Variants in MXRA5 observed in about 807,000 individuals in gnomAD.
MXRA5 encodes matrix remodeling associated 5.
In MXRA5, 41 loss-of-function variants were observed where a neutral mutation model predicts 112.5. The ratio of observed to expected loss-of-function variants is 0.36; its 90% CI spans 0.28 to 0.47. The LOEUF (loss-of-function observed/expected upper bound fraction) is 0.47, where lower values mean the gene tolerates loss of function less well. Among genes scored for constraint, MXRA5 ranks in the 20% least tolerant of loss-of-function variants. The probability of loss-of-function intolerance (pLI) is 0.99; values close to 1 mark genes in which losing one functional copy is unlikely to be tolerated. For synonymous variants in MXRA5, 862 were observed against 900.8 expected, an observed-to-expected ratio of 0.96 and a Z score of 0.77; for missense variants, 2,150 against 2,251.0, an observed-to-expected ratio of 0.96 and a Z score of 0.91.
intron 4 of MXRA5, among the ~76,000 whole-genome samples, chrX:3,325,894 T>C (rs1277818270): frequency 2.2e-5 from 2 of 90,283 alleles, no homozygotes; most frequent in African/African-American, 8.0e-5. Context: ...AATTATAATT[T>C]ATAATGTATA....
intron 6 of MXRA5, among the ~76,000 whole-genome samples, chrX:3,312,320 G>A (rs773000071): frequency 2.7e-5 from 3 of 111,825 alleles, no homozygotes; most frequent in East Asian, 2.8e-4. Context: ...AAGCACTGCC[G>A]AGTTAATAAT....
intron 2 of MXRA5, among the ~76,000 whole-genome samples, chrX:3,341,737 T>C (rs1381764947): frequency 2.1e-5 from 2 of 93,887 alleles, no homozygotes; most frequent in East Asian, 3.2e-4. Flanking sequence ...CCCAAGCTTT[T>C]TAGAGGGCTC....
At chrX:3,319,543 C>T (rs1635243) in intron 5 of MXRA5, among the ~76,000 whole-genome samples, 54,041 of 111,772 alleles carry the variant, frequency 0.48, 9,718 homozygotes, top group Non-Finnish European at 0.58. Flanking sequence ...CCCTTGAGTC[C>T]ATAAGAAAGG....
chrX:3,315,392 G>GAA (rs1306602363), intron 6 of MXRA5, among the ~76,000 whole-genome samples: 113 of 15,649 alleles, frequency 7.2e-3, no homozygotes, highest in African/African-American at 0.021. Flanking sequence ...ATAGATAGAT[G>GAA]ATAGATAGAT....
In MXRA5 at chrX:3,316,627, C is replaced by T. The variant is rs778399749; in HGVS notation, c.6578+476G>A. Among the ~76,000 whole-genome samples the T allele has an allele frequency of 2.2e-3, 235 of 108,309 alleles. 1 individual carries two copies. Among genetic ancestry groups the T allele is most frequent in the Admixed American group, 3.4e-3 (35 of 10,162 alleles). 94.1% of individuals were successfully genotyped at this position (108,309 alleles called of 115,157 possible). On this transcript the variant is annotated intron_variant, in intron 6 of 6. Transcript: ENST00000217939. ...GAGGCTGCAGTGAGCTATGATCGCACCACTGCACTCCAGCCTGGGCAACAG... is the reference window on the plus strand; with the variant it reads ...GAGGCTGCAGTGAGCTATGATCGCATCACTGCACTCCAGCCTGGGCAACAG...
Position 3,320,884 on chromosome X carries a change from C to T in MXRA5, c.4801G>A (p.Ala1601Thr). Residue 1601 changes from alanine to threonine, a missense_variant, in exon 5 of 7, where the codon GCT becomes ACT. Physicochemically the swap from Ala to Thr is moderately conservative, Grantham distance 58 (BLOSUM62 0). Around this residue, in one of 6 missense-constraint regions of MXRA5, gnomAD observed 1,485 missense variants for 1,471.6 expected, o/e 1.01. Transcript: ENST00000217939. ...DSQRQDGRVHASHQLTRVPAK... is the reference protein window; with the variant it reads ...DSQRQDGRVHTSHQLTRVPAK... ...GGGACTCTGGTTAGTTGATGAGAAG[C>T]ATGAACTCTTCCATCCTGGCGTTGG... is the stretch of plus-strand genomic sequence containing the variant. 8.3e-7 allele frequency: 1 copy of T among 1,211,897 alleles called. No individual in the cohort carries two copies. The highest frequency in any genetic ancestry group is 1.1e-6 in the Non-Finnish European group (1 of 895,603).
Position 3,320,153 on chromosome X carries a change from G to A in MXRA5, c.5532C>T (p.Ser1844=). Residue 1844 remains serine (S), a synonymous_variant, in exon 5 of 7, where the codon TCC becomes TCT. Transcript: ENST00000217939. ...GCTTTTCCCCAAGAGACCAGAATTT[G>A]GATGCAGGAGGTCCTCCTGCAAAGA... ...SKFFAGGPPA[S]KFWSLGEKPQ... is the part of the protein sequence containing the mutation. 1 of 1,210,825 alleles carries A rather than the reference G, an allele frequency of 8.3e-7. No individual in the cohort carries two copies. The highest frequency in any genetic ancestry group is 1.7e-5 in the African/African-American group (1 of 57,646).
At chrX:3,318,354 C>G (rs12007058) in intron 5 of MXRA5, among the ~76,000 whole-genome samples, 2,710 of 110,447 alleles carry the variant, frequency 0.025, 87 homozygotes, top group African/African-American at 0.084. Context: ...GCTGTGTTGC[C>G]CAGGCTGGTC....
chrX:3,332,783 A>T (rs1204973878), intron 2 of MXRA5, among the ~76,000 whole-genome samples: 2 of 111,803 alleles, frequency 1.8e-5, no homozygotes, highest in Non-Finnish European at 1.9e-5. Flanking sequence ...GCATTACTCC[A>T]GTGTCTTGTC....
At chrX:3,325,813 T>C (rs1194488948) in intron 4 of MXRA5, among the ~76,000 whole-genome samples, 1 of 102,078 alleles carries the variant, frequency 9.8e-6, no homozygotes, top group Non-Finnish European at 2.0e-5. Flanking sequence ...TACATATATT[T>C]ATAAATAAAT....
chrX:3,341,597 A>G (rs1921982994), intron 2 of MXRA5, among the ~76,000 whole-genome samples: 1 of 36,134 alleles, frequency 2.8e-5, no homozygotes, highest in Non-Finnish European at 4.9e-5. Flanking sequence ...ATATATTATT[A>G]TTATATATAA....
intron 2 of MXRA5, among the ~76,000 whole-genome samples, chrX:3,337,204 C>A (rs983957561): frequency 9.0e-6 from 1 of 111,625 alleles, no homozygotes; most frequent in African/African-American, 3.3e-5. Flanking sequence ...GAAGAATATT[C>A]CGTGGTGGAC....
Position 3,317,532 on chromosome X carries a change from T to C in MXRA5, c.6149A>G (p.His2050Arg), listed in dbSNP as rs373044669. Reference protein sequence around the residue: ...LHVAALPPVIHQEKLENISLP... With the variant: ...LHVAALPPVIRQEKLENISLP... ...CGAGATGTTCTCCAGCTTCTCCTGGTGGATAACGGGGGGCAGTGCCGCCAC... is the reference window on the plus strand; with the variant it reads ...CGAGATGTTCTCCAGCTTCTCCTGGCGGATAACGGGGGGCAGTGCCGCCAC... Residue 2050 changes from histidine to arginine, a missense_variant, in exon 6 of 7, where the codon CAC (histidine) becomes CGC (arginine). Physicochemically the swap from His to Arg is conservative, Grantham distance 29. This residue lies in a region of MXRA5 where 1,485 missense variants were observed against 1,471.6 expected (regional missense o/e 1.01). Coordinates refer to ENST00000217939, the MANE Select transcript of MXRA5 (RefSeq NM_015419.4). 5 of 1,206,256 alleles carry C rather than the reference T, an allele frequency of 4.1e-6. No individual in the cohort carries two copies. The highest frequency in any genetic ancestry group is 5.6e-6 in the Non-Finnish European group (5 of 893,226).
intron 2 of MXRA5, among the ~76,000 whole-genome samples, chrX:3,339,412 C>G (rs1921864229): frequency 1.8e-5 from 2 of 110,659 alleles, no homozygotes; most frequent in East Asian, 5.7e-4. Context: ...CTACAGGAGC[C>G]CACCACCACG....
Position 3,346,638 on chromosome X carries a change from G to A in MXRA5, c.-152C>T. The stretch of plus-strand genomic sequence containing the variant: ...CCTTCCCGGGGCCGGGGGTGAGGCA[G>A]CTCGGCTTCCCAGCGCGGCACAGCA... On this transcript the variant is annotated 5_prime_UTR_variant, in exon 1 of 7. Transcript: ENST00000217939. 1 of 664,399 alleles carries A rather than the reference G, an allele frequency of 1.5e-6. No individual in the cohort carries two copies. The highest frequency in any genetic ancestry group is 1.8e-6 in the Non-Finnish European group (1 of 556,769). The allele number at this position is 664,399 out of a possible 1,213,427, so 54.8% of individuals were successfully genotyped here. A position where few individuals can be genotyped will look rare whatever the true frequency, so the allele number is the denominator to read the frequency against.
At chrX:3,338,965 G>GATAGATAC (rs1275632887) in intron 2 of MXRA5, among the ~76,000 whole-genome samples, 9 of 104,666 alleles carry the variant, frequency 8.6e-5, no homozygotes, top group Non-Finnish European at 1.6e-4. Context: ...TAGTTAGATA[G>GATAGATAC]ATAGATAGAT....
At position 3,330,328 on chromosome X, in the gene MXRA5, G is replaced by A. The variant is rs1276121628; in HGVS notation, c.399C>T (p.His133=). Reference sequence around the variant, plus strand: ...TAAACTCGATCTTGTTGTGGTCAATGTGCAGCCTCATTAAGTTAGAGAGAC... The same window carrying A: ...TAAACTCGATCTTGTTGTGGTCAATATGCAGCCTCATTAAGTTAGAGAGAC... The part of the protein sequence containing the change: ...LQGLSNLMRL[H]IDHNKIEFIH... The change falls in exon 4 of 7, where the codon CAC becomes CAT. Residue 133 remains histidine (H), a synonymous_variant. Coordinates refer to ENST00000217939, the MANE Select transcript of MXRA5 (RefSeq NM_015419.4). The A allele has an allele frequency of 3.3e-6, 4 of 1,210,841 alleles. No individual in the cohort carries two copies. Among genetic ancestry groups the A allele is most frequent in the Non-Finnish European group, 4.5e-6 (4 of 894,966 alleles).
intron 2 of MXRA5, among the ~76,000 whole-genome samples, chrX:3,342,005 A>G (rs1195941465): frequency 9.6e-6 from 1 of 104,393 alleles, no homozygotes; most frequent in Non-Finnish European, 2.0e-5. Context: ...CATGGAACCA[A>G]CCCATATGCC....
Position 3,323,537 on chromosome X carries a change from A to C in MXRA5, c.2148T>G (p.His716Gln). 1 of 1,210,964 alleles carries C rather than the reference A, an allele frequency of 8.3e-7. No individual in the cohort carries two copies. Among genetic ancestry groups the C allele is most frequent in the Non-Finnish European group, 1.1e-6 (1 of 895,380 alleles). ...DEENTSRRLL[H>Q]PKDQEVFLKT... is the part of the protein sequence containing the mutation. ...TGAGGAACACCTCTTGGTCCTTTGG[A>C]TGCAGAAGTCTCCTTGAAGTGTTCT... Residue 716 changes from histidine (H) to glutamine (Q), a missense_variant, in exon 5 of 7, where the codon CAT becomes CAG. By Grantham distance (24) the His-to-Gln change is conservative. Transcript: ENST00000217939.
Sources: allele counts gnomAD v4.1 joint callset (sites outside exome capture counted in the v4.1 genomes callset), GRCh38; gene constraint gnomAD v4.1.1; regional missense constraint gnomAD v4.1.1; transcripts MANE v1.5; gene names NCBI Gene and HGNC (gene_info 2026-07-23, HGNC 2026-07-21).